Variants in COL6A3 observed in about 807,000 individuals in gnomAD.
COL6A3 encodes the protein collagen type VI alpha 3 chain, also known as collagen alpha-3(VI) chain.
A neutral mutation model predicts 274.1 loss-of-function variants in COL6A3; 137 were observed. The ratio of observed to expected loss-of-function variants is 0.50; its 90% CI spans 0.44 to 0.58. The LOEUF (loss-of-function observed/expected upper bound fraction) is 0.58. Among genes scored for constraint, COL6A3 ranks in the 20% least tolerant of loss-of-function variants. The pLI is 0.00. For synonymous variants in COL6A3, 1,650 were observed against 1,650.6 expected (o/e 1.00, Z 0.01); for missense variants, 3,950 against 4,124.9 (o/e 0.96, Z 1.16).
chr2:237,357,659 A>C (rs1262047143), intron 22 of COL6A3, among the ~76,000 whole-genome samples, 158 bp downstream of exon 22: 1 of 152,216 alleles, frequency 6.6e-6, no homozygotes, highest in Non-Finnish European at 1.5e-5. Flanking sequence ...CTGGTTCCCC[A>C]CGGAGACTTC....
At chr2:237,382,503 T>G (rs948678270) in intron 4 of COL6A3, among the ~76,000 whole-genome samples, 1 of 152,348 alleles carries the variant, frequency 6.6e-6, no homozygotes, top group South Asian at 2.1e-4. Context: ...GACTGTGAAC[T>G]GCTGTATCCA....
intron 6 of COL6A3, 22 bp downstream of exon 6, chr2:237,378,614 C>T (rs769723616): frequency 6.2e-6 from 10 of 1,612,194 alleles, no homozygotes; most frequent in Middle Eastern, 4.5e-4. Flanking sequence ...AGAGGGAGTT[C>T]CCGGCAACAG....
intron 42 of COL6A3, among the ~76,000 whole-genome samples, chr2:237,331,330 A>C (rs1285583004): frequency 6.6e-6 from 1 of 152,138 alleles, no homozygotes; most frequent in Non-Finnish European, 1.5e-5. Flanking sequence ...AAACCATTAA[A>C]AAATTTTCCC....
chr2:237,401,320 CA>C (rs2078583560), intron 1 of COL6A3, among the ~76,000 whole-genome samples: 1 of 152,050 alleles, frequency 6.6e-6, no homozygotes, highest in African/African-American at 2.4e-5. Flanking sequence ...TTGTAATATC[CA>C]AAAGATGGAA....
chr2:237,391,591 G>A (rs1194291051), intron 3 of COL6A3, among the ~76,000 whole-genome samples: 1 of 152,060 alleles, frequency 6.6e-6, no homozygotes, highest in African/African-American at 2.4e-5. Flanking sequence ...GGAGTGCAGT[G>A]TCACAAATTT....
chr2:237,378,510 T>C, intron 6 of COL6A3, 126 bp downstream of exon 6: 1 of 1,423,310 alleles, frequency 7.0e-7, no homozygotes, highest in Admixed American at 1.7e-5. Flanking sequence ...ATTCAAACTA[T>C]TTCAATGGAA....
intron 42 of COL6A3, chr2:237,325,973 G>A (rs1699922304): frequency 2.5e-6 from 1 of 396,564 alleles, no homozygotes; most frequent in Non-Finnish European, 4.5e-6. Context: ...ACAGCACTCA[G>A]AATCCCAAAT....
chr2:237,378,506 A>T, intron 6 of COL6A3, 130 bp downstream of exon 6: 1 of 1,383,076 alleles, frequency 7.2e-7, no homozygotes, highest in Non-Finnish European at 1.0e-6. Context: ...CCCCATTCAA[A>T]CTATTTCAAT....
intron 42 of COL6A3, chr2:237,328,085 G>C (rs1700043509): frequency 6.6e-6 from 1 of 152,168 alleles, no homozygotes; most frequent in Non-Finnish European, 1.5e-5. Flanking sequence ...AACCTAGTGG[G>C]AGCCTAAAAG....
chr2:237,394,366 G>A (rs1424539059), intron 3 of COL6A3, among the ~76,000 whole-genome samples: 1 of 152,168 alleles, frequency 6.6e-6, no homozygotes, highest in Non-Finnish European at 1.5e-5. Flanking sequence ...GAAAATATTA[G>A]TTGTTTAAAA....
intron 43 of COL6A3, among the ~76,000 whole-genome samples, chr2:237,325,016 G>A (rs937251341): frequency 2.6e-5 from 4 of 152,094 alleles, no homozygotes; most frequent in Admixed American, 2.6e-4. Flanking sequence ...CCGGGGCCCA[G>A]GGATGTCTGG....
chr2:237,386,654 C>T (rs2078150278), intron 4 of COL6A3: 1 of 152,170 alleles, frequency 6.6e-6, no homozygotes, highest in African/African-American at 2.4e-5. Context: ...AAGGACTAAT[C>T]TCATTAGAGC....
At chr2:237,356,355 T>C (rs1275935094) in intron 23 of COL6A3, among the ~76,000 whole-genome samples, 2 of 152,186 alleles carry the variant, frequency 1.3e-5, no homozygotes. Context: ...GTCTTTACAA[T>C]TTATTAAAAA....
chr2:237,379,026 G>C lies in COL6A3; in HGVS notation c.2107C>G (p.Leu703Val). 1 of 1,614,218 alleles carries C rather than the reference G, an allele frequency of 6.2e-7. No homozygotes were observed. Among genetic ancestry groups the C allele is most frequent in the Non-Finnish European group, 8.5e-7 (1 of 1,180,046 alleles). ...AGCTGCAGCTGCCTCAGATGACCAAGGATATCTGACTTGGTCTGGTATGTG... is the reference window on the plus strand; with the variant it reads ...AGCTGCAGCTGCCTCAGATGACCAACGATATCTGACTTGGTCTGGTATGTG... ...LNTYQTKSDI[L>V]GHLRQLQLQG... The change falls in exon 6 of 44, where the codon CTT (leucine) becomes GTT (valine). Residue 703 changes from leucine to valine, a missense_variant. This residue lies in a region of COL6A3 where 1,934 missense variants were observed against 1,984.3 expected (regional missense o/e 0.97). Coordinates refer to ENST00000295550, the MANE Select transcript of COL6A3 (RefSeq NM_004369.4).
chr2:237,363,678 G>T (rs1334231698), intron 13 of COL6A3, among the ~76,000 whole-genome samples: 2 of 152,178 alleles, frequency 1.3e-5, no homozygotes, highest in Non-Finnish European at 2.9e-5. Flanking sequence ...TCAAACTCAG[G>T]CCCTCTGTAA....
rs779653461 is a variant in COL6A3, at chr2:237,366,913, A to G, written c.5274T>C (p.Asp1758=). 2 of 1,614,074 alleles carry G rather than the reference A, an allele frequency of 1.2e-6. No individual in the cohort carries two copies. Among genetic ancestry groups the G allele is most frequent in the South Asian group, 1.1e-5 (1 of 91,086 alleles). Residue 1758 remains aspartate (D), a synonymous_variant, in exon 11 of 44, where the codon GAT becomes GAC. Transcript: ENST00000295550. ...FVITGGKSVE[D]AQDVSLALTQ... ...TGAGGGCCAGGCTCACATCCTGTGC[A>G]TCTTCCACCGACTTTCCTCCCGTGA...
rs1450578902 is a variant in COL6A3 at position 237,381,161 on chromosome 2, T to C, written c.1651A>G (p.Lys551Glu). The C allele has an allele frequency of 6.2e-7, 1 of 1,614,228 alleles. No homozygotes were observed. Among genetic ancestry groups the C allele is most frequent in the Admixed American group, 1.7e-5 (1 of 60,032 alleles). Residue 551 changes from lysine to glutamate, a missense_variant, in exon 5 of 44, where the codon AAG (lysine) becomes GAG (glutamate). Coordinates refer to ENST00000295550, the MANE Select transcript of COL6A3 (RefSeq NM_004369.4). ...CCACCTGTGATCAGCACCAAAAGCTTAGGAATCCCCTCGGCAGCCCGGTAG... is the reference window on the plus strand; with the variant it reads ...CCACCTGTGATCAGCACCAAAAGCTCAGGAATCCCCTCGGCAGCCCGGTAG... ...AGYRAAEGIP[K>E]LLVLITGGKS... is the part of the protein sequence containing the mutation.
At chr2:237,375,191 C>T (rs2077804778) in intron 7 of COL6A3, among the ~76,000 whole-genome samples, 171 bp from the exon 8 acceptor site, 1 of 152,130 alleles carries the variant, frequency 6.6e-6, no homozygotes, top group Non-Finnish European at 1.5e-5. Context: ...GGGGGGATTA[C>T]CCTGGAATTA....
chr2:237,358,567 C>T lies in COL6A3; in HGVS notation c.6425G>A (p.Arg2142Gln), dbSNP rs766968738. 3.1e-5 allele frequency: 50 copies of T among 1,613,862 alleles called. No individual in the cohort carries two copies. Among genetic ancestry groups the T allele is most frequent in the Non-Finnish European group, 4.2e-5 (49 of 1,179,898 alleles). Residue 2142 changes from arginine to glutamine, a missense_variant, in exon 21 of 44, where the codon CGA (arginine) becomes CAA (glutamine). By Grantham distance (43) the Arg-to-Gln change is conservative (BLOSUM62 1). Coordinates refer to ENST00000295550, the MANE Select transcript of COL6A3 (RefSeq NM_004369.4). Reference sequence around the variant, plus strand: ...ATCTCCTCTTTCTCCTTTCTCTCCTCGAGGTCCTTTATCACCCTAAAGAAA... The same window carrying T: ...ATCTCCTCTTTCTCCTTTCTCTCCTTGAGGTCCTTTATCACCCTAAAGAAA... ...NPGRRGDKGP[R>Q]GEKGERGDVG... is the part of the protein sequence containing the mutation.
Sources: gnomAD v4.1 joint callset for allele counts (sites outside exome capture counted in the v4.1 genomes callset) on GRCh38, gnomAD v4.1.1 for gene constraint, gnomAD v4.1.1 regional missense constraint, MANE v1.5 for transcripts, NCBI Gene and HGNC (gene_info 2026-07-23, HGNC 2026-07-21) for gene names.